The following TSPEAR variants were observed in gnomAD, a reference collection of about 807,000 sequenced individuals.
TSPEAR encodes the protein thrombospondin-type laminin G domain and EAR repeat-containing protein.
A neutral mutation model predicts 71.6 loss-of-function variants in TSPEAR; 69 were observed. That is an observed-to-expected ratio of 0.96 (90% CI 0.79 to 1.18). TSPEAR has a LOEUF of 1.18. TSPEAR is among the 50% of genes most tolerant of loss of function. The pLI, the probability that TSPEAR is intolerant of heterozygous loss-of-function variation, is 0.00. For synonymous variants in TSPEAR, 402 were observed against 387.2 expected (o/e 1.04, Z -0.45); for missense variants, 971 against 894.9 (o/e 1.09, Z -1.09).
rs782376248 is a variant in TSPEAR, at chr21:44,546,620, G to A, written c.304-12697C>T. On this transcript the variant is annotated intron_variant, in intron 2 of 11. Transcript: ENST00000323084. This position sits in a 1 kb window ranked among gnomAD's most constrained non-coding sequence, Gnocchi z 4.4. Reference sequence around the variant, plus strand: ...TGGGATTACAGGCATGAGCCACTGCGCCCGGCCCCTCTTTCATTTTTGAAG... The same window carrying A: ...TGGGATTACAGGCATGAGCCACTGCACCCGGCCCCTCTTTCATTTTTGAAG... Among the ~76,000 whole-genome samples the A allele has an allele frequency of 8.5e-5, 13 of 152,294 alleles. No individual in the cohort carries two copies. In the East Asian group the frequency reaches 9.6e-4, roughly 11 times the overall value.
At position 44,656,223 on chromosome 21, in the gene TSPEAR, CA is replaced by C. The variant is rs1985136585; in HGVS notation, c.82+55209del. On this transcript the variant is annotated intron_variant, in intron 1 of 11. Transcript: ENST00000323084. ...GTCTTACGAGTCGATTACAGAAGAA[CA>C]AGGATGCGTCTTTGATATTTATCTG... Among the ~76,000 whole-genome samples the C allele has an allele frequency of 2.0e-5, 3 of 152,258 alleles. No individual in the cohort carries two copies. The South Asian group carries it at 6.2e-4, about 32-fold the overall frequency.
intron 1 of TSPEAR, among the ~76,000 whole-genome samples, chr21:44,598,842 T>C (rs1980548570): frequency 6.6e-6 from 1 of 152,230 alleles, no homozygotes; most frequent in South Asian, 2.1e-4. Flanking sequence ...ATAGTTACTG[T>C]AGAGTAGGTC....
intron 1 of TSPEAR, among the ~76,000 whole-genome samples, chr21:44,699,534 C>T (rs1188805041): frequency 2.6e-5 from 4 of 152,050 alleles, no homozygotes; most frequent in East Asian, 1.9e-4. Flanking sequence ...TCCAACACAC[C>T]GTTCTTCTCT....
At chr21:44,636,221 C>CA (rs1983556485) in intron 1 of TSPEAR, among the ~76,000 whole-genome samples, 1 of 152,218 alleles carries the variant, frequency 6.6e-6, no homozygotes, top group African/African-American at 2.4e-5. Context: ...CGGTCTCCAG[C>CA]ACCCAACCCT....
At chr21:44,600,985 C>T (rs781942192) in intron 1 of TSPEAR, 4 of 1,611,520 alleles carry the variant, frequency 2.5e-6, no homozygotes, top group Non-Finnish European at 3.4e-6. Flanking sequence ...CTGCTGCAAG[C>T]CTGTGTACTG....
intron 1 of TSPEAR, among the ~76,000 whole-genome samples, chr21:44,669,986 G>A (rs868987272): frequency 3.3e-5 from 5 of 152,208 alleles, no homozygotes; most frequent in Non-Finnish European, 5.9e-5. Flanking sequence ...CACAAGAAAT[G>A]CAGAGGACCC....
chr21:44,498,713 G>C lies in TSPEAR; in HGVS notation c.*1070C>G, dbSNP rs1555910781. The C allele has an allele frequency of 1.3e-5, 2 of 152,290 alleles. No homozygotes were observed. Among genetic ancestry groups the C allele is most frequent in the Non-Finnish European group, 2.9e-5 (2 of 68,076 alleles). The allele number at this position is 152,290 out of a possible 1,614,324, so 9.4% of individuals were successfully genotyped here. On this transcript the variant is annotated 3_prime_UTR_variant, in exon 12 of 12. Transcript: ENST00000323084. Reference sequence around the variant, plus strand: ...ACTCTCTGAGGATCGCTCCTGTTCCGATTTGTGTTGCAGAAGCAGGAGCAC... The same window carrying C: ...ACTCTCTGAGGATCGCTCCTGTTCCCATTTGTGTTGCAGAAGCAGGAGCAC...
At chr21:44,606,915 C>T (rs1016417509) in intron 1 of TSPEAR, among the ~76,000 whole-genome samples, 1 of 152,128 alleles carries the variant, frequency 6.6e-6, no homozygotes, top group African/African-American at 2.4e-5. Context: ...AACAACCTTT[C>T]CATCACACTG....
Position 44,525,724 on chromosome 21 carries a change from T to A in TSPEAR, c.1265A>T (p.His422Leu). Residue 422 changes from histidine to leucine, a missense_variant, in exon 8 of 12, where the codon CAC becomes CTC. Transcript: ENST00000323084. ...KFTPYQSIAT[H>L]SARDWEAFEV... ...GAAGGCCTCCCAGTCTCGGGCGCTG[T>A]GTGTGGCAATGCTCTGATATGGGGT... 1 of 1,614,162 alleles carries A rather than the reference T, an allele frequency of 6.2e-7. No homozygotes were observed. Among genetic ancestry groups the A allele is most frequent in the Non-Finnish European group, 8.5e-7 (1 of 1,180,026 alleles).
At chr21:44,591,286 C>G in intron 1 of TSPEAR, 2 of 1,482,108 alleles carry the variant, frequency 1.3e-6, no homozygotes, top group East Asian at 4.8e-5. Context: ...AGAGCCTGCC[C>G]CATCTTCTGA....
chr21:44,601,854 A>T (rs1980955224), intron 1 of TSPEAR: 1 of 1,374,502 alleles, frequency 7.3e-7, no homozygotes, highest in African/African-American at 1.5e-5. Flanking sequence ...GTCAGTGGTC[A>T]GCTGGCCATC....
chr21:44,641,817 G>A (rs1021994188), intron 1 of TSPEAR, among the ~76,000 whole-genome samples: 5 of 152,162 alleles, frequency 3.3e-5, no homozygotes, highest in African/African-American at 9.7e-5. Context: ...AAGAAATTCC[G>A]CACCTAGACT....
At chr21:44,668,751 T>A (rs2146278306) in intron 1 of TSPEAR, among the ~76,000 whole-genome samples, 1 of 152,322 alleles carries the variant, frequency 6.6e-6, no homozygotes, top group South Asian at 2.1e-4. Context: ...TACAGTCAAA[T>A]AATTTTCGGC....
chr21:44,576,995 A>C (rs1277386750), intron 1 of TSPEAR, among the ~76,000 whole-genome samples: 3 of 152,236 alleles, frequency 2.0e-5, no homozygotes, highest in Non-Finnish European at 4.4e-5. Flanking sequence ...AGACACTTAG[A>C]AAACTGCCAC....
intron 3 of TSPEAR, among the ~76,000 whole-genome samples, chr21:44,532,924 A>T (rs1012625002): frequency 2.6e-5 from 4 of 152,226 alleles, no homozygotes; most frequent in African/African-American, 4.8e-5. Flanking sequence ...GGAACCTGCC[A>T]TGTGGAGTCA....
At chr21:44,685,269 T>C (rs1177155064) in intron 1 of TSPEAR, among the ~76,000 whole-genome samples, 1 of 152,194 alleles carries the variant, frequency 6.6e-6, no homozygotes, top group Non-Finnish European at 1.5e-5. Context: ...AGATGGCTCA[T>C]ACCCCTACTG....
At chr21:44,581,659 C>T (rs17004675) in intron 1 of TSPEAR, among the ~76,000 whole-genome samples, 4,483 of 142,930 alleles carry the variant, frequency 0.031, 192 homozygotes, top group African/African-American at 0.1. Context: ...TGTGGAGACT[C>T]AGGAAGTGTT....
rs587652264 is a variant in TSPEAR at position 44,558,176 on chromosome 21, A to G, written c.303+9609T>C. 256 of 1,543,714 alleles carry G rather than the reference A, an allele frequency of 1.7e-4. No individual in the cohort carries two copies. Among genetic ancestry groups the G allele is most frequent in the Middle Eastern group, 5.2e-4 (3 of 5,814 alleles). On this transcript the variant is annotated intron_variant, in intron 2 of 11. Coordinates refer to ENST00000323084, the MANE Select transcript of TSPEAR (RefSeq NM_144991.3). ...AGCAGCTGGGCTGGCAGGTGGAGGC[A>G]GGGGCACAGCAGGAGGGGATGGGCA...
chr21:44,500,309 T>C (rs7283737), intron 11 of TSPEAR, among the ~76,000 whole-genome samples: 1 of 152,186 alleles, frequency 6.6e-6, no homozygotes, highest in Non-Finnish European at 1.5e-5. Flanking sequence ...CCACGCAGGC[T>C]GGAACCCCTC....
Sources: gnomAD v4.1 joint callset for allele counts (sites outside exome capture counted in the v4.1 genomes callset) on GRCh38, gnomAD v4.1.1 for gene constraint, Gnocchi (gnomAD v3.1) non-coding constraint, MANE v1.5 for transcripts, NCBI Gene and HGNC (gene_info 2026-07-23, HGNC 2026-07-21) for gene names.